Variants in SMCO4 observed in about 807,000 individuals in gnomAD.
The protein encoded by SMCO4 is single-pass membrane and coiled-coil domain-containing protein 4.
Under a neutral mutation model 3.6 loss-of-function variants are expected in SMCO4, and 4 were observed. The ratio of observed to expected loss-of-function variants is 1.11; its 90% CI spans 0.54 to 2.53. The LOEUF (loss-of-function observed/expected upper bound fraction) is 2.53. Among genes scored for constraint, SMCO4 ranks in the 30% most tolerant of loss-of-function variants. The pLI, the probability that SMCO4 is intolerant of heterozygous loss-of-function variation, is 0.02. For synonymous variants in SMCO4, 36 were observed against 35.3 expected, an observed-to-expected ratio of 1.02 and a Z score of -0.07; for missense variants, 70 against 80.8, an observed-to-expected ratio of 0.87 and a Z score of 0.51.
chr11:93,527,322 T>C (rs1444321957), intron 1 of SMCO4, among the ~76,000 whole-genome samples: 1 of 152,198 alleles, frequency 6.6e-6, no homozygotes, highest in Non-Finnish European at 1.5e-5. Flanking sequence ...TGAAGCTGAC[T>C]AGCTCTGTGA....
the SMCO4 span, among the ~76,000 whole-genome samples, chr11:93,551,065 G>C: frequency 1.3e-5 from 2 of 152,254 alleles, no homozygotes; most frequent in East Asian, 3.9e-4. Context: ...GGAACACCTA[G>C]TACATGCAGG....
At chr11:93,530,326 T>C (rs1037058818) in intron 1 of SMCO4, among the ~76,000 whole-genome samples, 2 of 152,096 alleles carry the variant, frequency 1.3e-5, no homozygotes, top group Non-Finnish European at 2.9e-5. Flanking sequence ...GCCTTGTCTG[T>C]TTGCTCTCTC....
At chr11:93,489,286 G>GAATA (rs1948686834) in intron 2 of SMCO4, among the ~76,000 whole-genome samples, 2 of 152,148 alleles carry the variant, frequency 1.3e-5, no homozygotes, top group African/African-American at 4.8e-5. Context: ...ATAGTGACTG[G>GAATA]TACATAGTAG....
intron 2 of SMCO4, among the ~76,000 whole-genome samples, 189 bp downstream of exon 2, chr11:93,499,087 G>A (rs774270203): frequency 2.0e-5 from 3 of 152,072 alleles, no homozygotes; most frequent in African/African-American, 4.8e-5. Context: ...GAAATCACCC[G>A]CAGCCTGGAG....
chr11:93,480,129 G>A (rs1257010977), intron 2 of SMCO4, among the ~76,000 whole-genome samples: 1 of 152,212 alleles, frequency 6.6e-6, no homozygotes, highest in Non-Finnish European at 1.5e-5. Flanking sequence ...TTAAGCAGAT[G>A]AAGCAGACTT....
chr11:93,529,611 C>T (rs1208835655), intron 1 of SMCO4, among the ~76,000 whole-genome samples: 5 of 152,130 alleles, frequency 3.3e-5, no homozygotes, highest in Admixed American at 6.5e-5. Context: ...TTCCCCCGAG[C>T]CCTCATTACA....
At chr11:93,547,633 A>G (rs1178778176), upstream of SMCO4, among the ~76,000 whole-genome samples, 1 of 152,238 alleles carries the variant, frequency 6.6e-6, no homozygotes, top group African/African-American at 2.4e-5. Flanking sequence ...AGCCTGGTGC[A>G]TACAGGAACT....
intron 1 of SMCO4, among the ~76,000 whole-genome samples, chr11:93,512,672 T>C (rs1218179593): frequency 2.0e-5 from 3 of 152,232 alleles, no homozygotes; most frequent in Admixed American, 6.5e-5. Flanking sequence ...TATAGACACA[T>C]TGTCTAGGTG....
At chr11:93,526,374 A>G (rs959485688) in intron 1 of SMCO4, among the ~76,000 whole-genome samples, 1 of 152,172 alleles carries the variant, frequency 6.6e-6, no homozygotes, top group African/African-American at 2.4e-5. Flanking sequence ...CCGCAGTTAC[A>G]GAATGATCTC....
intron 1 of SMCO4, among the ~76,000 whole-genome samples, chr11:93,520,499 G>A (rs1458984602): frequency 6.6e-6 from 1 of 152,190 alleles, no homozygotes; most frequent in East Asian, 1.9e-4. Context: ...GGCAGGACAG[G>A]AACCTAAATC....
chr11:93,482,346 G>A (rs965229379), intron 2 of SMCO4, among the ~76,000 whole-genome samples: 6 of 152,228 alleles, frequency 3.9e-5, no homozygotes, highest in Non-Finnish European at 7.3e-5. Context: ...CTCAAGAAGC[G>A]CATTGAGTGC....
Position 93,478,785 on chromosome 11 carries a change from T to C in SMCO4, c.*225A>G, listed in dbSNP as rs1215395943. The C allele has an allele frequency of 3.1e-6, 4 of 1,278,330 alleles. No individual in the cohort carries two copies. The highest frequency in any genetic ancestry group is 3.2e-5 in the Admixed American group (1 of 31,386). The allele number at this position is 1,278,330 out of a possible 1,614,324, so 79.2% of individuals were successfully genotyped here. ...CGCGCTTTGAAGTCTGAAAGGCACA[T>C]GAAGTGGACCATAAGGTGTATGGCA... On this transcript the variant is annotated 3_prime_UTR_variant, in exon 3 of 3. Coordinates refer to ENST00000298966, the MANE Select transcript of SMCO4 (RefSeq NM_020179.3).
At chr11:93,495,373 G>A (rs1423893343) in intron 2 of SMCO4, among the ~76,000 whole-genome samples, 2 of 152,062 alleles carry the variant, frequency 1.3e-5, no homozygotes, top group Non-Finnish European at 2.9e-5. Context: ...GAAGGCCTGA[G>A]AATGGAGAGT....
At chr11:93,498,307 T>C (rs1275360065) in intron 2 of SMCO4, among the ~76,000 whole-genome samples, 1 of 152,208 alleles carries the variant, frequency 6.6e-6, no homozygotes, top group Non-Finnish European at 1.5e-5. Context: ...CCTGCTGACT[T>C]ATTCATTTAA....
chr11:93,490,869 CG>C lies in SMCO4; in HGVS notation c.-81+8406del, dbSNP rs1417550057. Among the ~76,000 whole-genome samples, 3 of 152,188 alleles carry C rather than the reference CG, an allele frequency of 2.0e-5. No individual in the cohort carries two copies. The South Asian group carries it at 6.2e-4, about 32-fold the overall frequency. ...GAGAAACCAAGCAGGGTCTGAAAGA[CG>C]AATAGGATGCTGAAGAAGGGACTTC... is the stretch of plus-strand genomic sequence containing the variant. On this transcript the variant is annotated intron_variant, in intron 2 of 2. Transcript: ENST00000298966.
chr11:93,482,591 A>C (rs560913721), intron 2 of SMCO4, among the ~76,000 whole-genome samples: 54 of 152,314 alleles, frequency 3.5e-4, no homozygotes, highest in Middle Eastern at 3.4e-3. Context: ...ACTCAGAGAA[A>C]AGGAGTGAGG....
At chr11:93,507,578 AT>A (rs1948919570) in intron 1 of SMCO4, among the ~76,000 whole-genome samples, 1 of 152,270 alleles carries the variant, frequency 6.6e-6, no homozygotes, top group African/African-American at 2.4e-5. Flanking sequence ...CTAATGATGC[AT>A]GATGTTACAA....
upstream of SMCO4, among the ~76,000 whole-genome samples, chr11:93,547,617 G>C (rs1048406840): frequency 1.3e-5 from 2 of 152,224 alleles, no homozygotes; most frequent in African/African-American, 2.4e-5. Context: ...TCAATACCTA[G>C]CATGGAGCCT....
At chr11:93,547,164 T>C (rs2134649411), upstream of SMCO4, among the ~76,000 whole-genome samples, 1 of 152,314 alleles carries the variant, frequency 6.6e-6, no homozygotes, top group South Asian at 2.1e-4. Context: ...AACAGACACC[T>C]TGTTGAGGCT....
Sources: allele counts gnomAD v4.1 joint callset (sites outside exome capture counted in the v4.1 genomes callset), GRCh38; gene constraint gnomAD v4.1.1; transcripts MANE v1.5; gene names NCBI Gene and HGNC (gene_info 2026-07-23, HGNC 2026-07-21).